SPATA6: variants seen among roughly 807,000 people sequenced by gnomAD.
The protein encoded by SPATA6 is spermatogenesis-associated protein 6.
In SPATA6, 56 loss-of-function variants were observed where a neutral mutation model predicts 65.3. The observed-to-expected ratio is 0.86, with a 90% CI of 0.69 to 1.07. The LOEUF is 1.07. Ranked by LOEUF, SPATA6 falls within the 50% of genes least tolerant of loss-of-function variation. SPATA6 has a pLI of 0.00. For synonymous variants in SPATA6, 199 were observed against 213.2 expected, an observed-to-expected ratio of 0.93 and a Z score of 0.58; for missense variants, 590 against 594.8, an observed-to-expected ratio of 0.99 and a Z score of 0.08.
At chr1:48,305,008 G>A (rs1645027152) in intron 12 of SPATA6, among the ~76,000 whole-genome samples, 1 of 152,120 alleles carries the variant, frequency 6.6e-6, no homozygotes, top group South Asian at 2.1e-4. Flanking sequence ...GGCCTAGGTT[G>A]CTTCTTGCTT....
intron 11 of SPATA6, among the ~76,000 whole-genome samples, chr1:48,313,145 C>G (rs536763653): frequency 1.3e-5 from 2 of 152,092 alleles, no homozygotes; most frequent in Non-Finnish European, 2.9e-5. Context: ...GGAGAACTTC[C>G]CCAGTCTAGC....
chr1:48,358,469 A>C (rs1646717070), intron 10 of SPATA6, among the ~76,000 whole-genome samples: 1 of 152,102 alleles, frequency 6.6e-6, no homozygotes, highest in Non-Finnish European at 1.5e-5. Context: ...AAATTCTGGA[A>C]AACTTACAGA....
intron 9 of SPATA6, among the ~76,000 whole-genome samples, chr1:48,376,503 C>A (rs1259707657): frequency 6.6e-6 from 1 of 150,398 alleles, no homozygotes; most frequent in Non-Finnish European, 1.5e-5. Flanking sequence ...GCCTTCCTGG[C>A]TATTTTTGCC....
At chr1:48,457,701 T>A (rs1437607944) in intron 1 of SPATA6, among the ~76,000 whole-genome samples, 5 of 152,202 alleles carry the variant, frequency 3.3e-5, no homozygotes, top group Admixed American at 1.3e-4. Context: ...AATAAACAAA[T>A]GAGATAGCTC....
chr1:48,261,630 T>C, the SPATA6 span, among the ~76,000 whole-genome samples: 1 of 152,068 alleles, frequency 6.6e-6, no homozygotes, highest in East Asian at 1.9e-4. Flanking sequence ...AGTCAGACCA[T>C]CCTGCAGAGA....
chr1:48,436,853 A>G (rs1300325983), intron 3 of SPATA6: 17 of 1,612,704 alleles, frequency 1.1e-5, no homozygotes, highest in Non-Finnish European at 1.4e-5. Flanking sequence ...ATTTTCCCTC[A>G]ATCAGAATCC....
intron 1 of SPATA6, among the ~76,000 whole-genome samples, chr1:48,468,281 T>A (rs908355066): frequency 3.9e-5 from 6 of 152,220 alleles, no homozygotes; most frequent in Admixed American, 6.5e-5. Flanking sequence ...AAACTTCACA[T>A]TGGAGCCACA....
intron 3 of SPATA6, among the ~76,000 whole-genome samples, chr1:48,437,637 C>G (rs1570575206): frequency 6.6e-6 from 1 of 152,104 alleles, no homozygotes; most frequent in Non-Finnish European, 1.5e-5. Flanking sequence ...ATTGTTAAAC[C>G]AACAGGCTAG....
At chr1:48,426,160 C>T (rs968858050) in intron 3 of SPATA6, among the ~76,000 whole-genome samples, 8 of 152,040 alleles carry the variant, frequency 5.3e-5, no homozygotes, top group South Asian at 4.1e-4. Flanking sequence ...AATGGAAAAA[C>T]GGGCAAAAGA....
chr1:48,436,008 T>A, intron 3 of SPATA6: 17 of 1,607,912 alleles, frequency 1.1e-5, no homozygotes, highest in Non-Finnish European at 1.4e-5. Context: ...GAACACAAGA[T>A]GAATCACTCA....
At chr1:48,334,447 A>T (rs1646004072) in intron 11 of SPATA6, among the ~76,000 whole-genome samples, 2 of 152,156 alleles carry the variant, frequency 1.3e-5, no homozygotes, top group Admixed American at 1.3e-4. Flanking sequence ...AATCAAGTAG[A>T]CTTTAATCCC....
At chr1:48,361,869 T>C (rs1015761531) in intron 9 of SPATA6, among the ~76,000 whole-genome samples, 1 of 152,110 alleles carries the variant, frequency 6.6e-6, no homozygotes, top group African/African-American at 2.4e-5. Context: ...CAACAAATAA[T>C]AAGTCAGTGG....
intron 6 of SPATA6, 36 bp downstream of exon 6, chr1:48,403,766 T>A: frequency 6.6e-7 from 1 of 1,507,098 alleles, no homozygotes; most frequent in Non-Finnish European, 9.0e-7. Flanking sequence ...ACCAAATAAA[T>A]TAAACCATTA....
At position 48,436,300 on chromosome 1, in the gene SPATA6, C is replaced by T. The variant is rs959645700; in HGVS notation, c.238+15252G>A. ...TTTACAGAAAGCCGTGATTCTATCCCACTTTTTCCGGCATCCCAATATTAC... is the reference window on the plus strand; with the variant it reads ...TTTACAGAAAGCCGTGATTCTATCCTACTTTTTCCGGCATCCCAATATTAC... On this transcript the variant is annotated intron_variant, in intron 3 of 12. Coordinates refer to ENST00000371847, the MANE Select transcript of SPATA6 (RefSeq NM_019073.4). The T allele has an allele frequency of 3.1e-6, 5 of 1,613,360 alleles. No individual in the cohort carries two copies. In the African/African-American group the frequency reaches 4.0e-5, roughly 13 times the overall value.
intron 9 of SPATA6, among the ~76,000 whole-genome samples, chr1:48,372,357 G>A (rs1647373928): frequency 6.6e-6 from 1 of 152,174 alleles, no homozygotes; most frequent in African/African-American, 2.4e-5. Flanking sequence ...CAGTGGAGCA[G>A]TCAAAGCTTA....
downstream of SPATA6, among the ~76,000 whole-genome samples, chr1:48,290,588 T>C (rs1285454711): frequency 6.6e-6 from 1 of 152,130 alleles, no homozygotes; most frequent in Non-Finnish European, 1.5e-5. Context: ...CAGTGTGCTG[T>C]ATTCAGGAGA....
intron 3 of SPATA6, among the ~76,000 whole-genome samples, chr1:48,434,968 T>C (rs1292914146): frequency 6.6e-5 from 10 of 151,028 alleles, no homozygotes. Flanking sequence ...AATATAATTG[T>C]ATTAATTTAT....
At chr1:48,380,600 C>G (rs939944608) in intron 9 of SPATA6, among the ~76,000 whole-genome samples, 1 of 152,166 alleles carries the variant, frequency 6.6e-6, no homozygotes, top group African/African-American at 2.4e-5. Context: ...TACTTGTTTT[C>G]CCTTAATAGT....
At chr1:48,312,212 G>C (rs1344191789) in intron 11 of SPATA6, among the ~76,000 whole-genome samples, 1 of 152,214 alleles carries the variant, frequency 6.6e-6, no homozygotes, top group Non-Finnish European at 1.5e-5. Context: ...TCTTTGAAGA[G>C]AGTAGTGGTT....
Sources: allele counts gnomAD v4.1 joint callset (sites outside exome capture counted in the v4.1 genomes callset), GRCh38; gene constraint gnomAD v4.1.1; transcripts MANE v1.5; gene names NCBI Gene and HGNC (gene_info 2026-07-23, HGNC 2026-07-21).